The following PTPRA variants were observed in gnomAD, a reference collection of about 807,000 sequenced individuals.
PTPRA encodes the protein receptor-type tyrosine-protein phosphatase alpha.
PTPRA carries 25 observed loss-of-function variants against 104.8 expected under a neutral mutation model. That is an observed-to-expected ratio of 0.24 (90% confidence interval 0.17 to 0.33). The LOEUF (loss-of-function observed/expected upper bound fraction) is 0.33. Ranked by LOEUF, PTPRA falls within the 10% of genes least tolerant of loss-of-function variation. The probability of loss-of-function intolerance (pLI) is 1.00; values close to 1 mark genes in which losing one functional copy is unlikely to be tolerated. For missense variants in PTPRA, 765 were observed against 1,015.3 expected, an observed-to-expected ratio of 0.75 and a Z score of 3.35; for synonymous variants, 323 against 368.9, an observed-to-expected ratio of 0.88 and a Z score of 1.43.
intron 3 of PTPRA, among the ~76,000 whole-genome samples, chr20:2,954,019 C>A (rs2061445667): frequency 6.6e-6 from 1 of 151,640 alleles, no homozygotes; most frequent in African/African-American, 2.4e-5. Flanking sequence ...AAGCAATCCT[C>A]CTGCCTCAGC....
intron 3 of PTPRA, among the ~76,000 whole-genome samples, chr20:2,948,933 C>A (rs891079323): frequency 6.6e-6 from 1 of 151,896 alleles, no homozygotes; most frequent in East Asian, 1.9e-4. Context: ...GCCTGGGTGA[C>A]AGAGCGAGAC....
At chr20:2,904,887 G>GA (rs1429251837) in intron 1 of PTPRA, among the ~76,000 whole-genome samples, 3 of 152,014 alleles carry the variant, frequency 2.0e-5, no homozygotes. Flanking sequence ...GCTGTTTGGG[G>GA]AAAAATACGT....
intron 1 of PTPRA, among the ~76,000 whole-genome samples, chr20:2,920,218 G>A (rs572314383): frequency 1.3e-5 from 2 of 152,336 alleles, no homozygotes; most frequent in East Asian, 3.9e-4. Context: ...AGAGGTACTT[G>A]TGAATATGCA....
chr20:2,906,778 G>T (rs2059442536), intron 1 of PTPRA, among the ~76,000 whole-genome samples: 1 of 152,052 alleles, frequency 6.6e-6, no homozygotes, highest in African/African-American at 2.4e-5. Flanking sequence ...ATTGATACCA[G>T]CCCATAAACA....
chr20:2,961,768 C>A (rs1003866957), intron 3 of PTPRA, among the ~76,000 whole-genome samples: 1 of 152,102 alleles, frequency 6.6e-6, no homozygotes, highest in Non-Finnish European at 1.5e-5. Flanking sequence ...GTCTATGATT[C>A]ATTTTTAGTT....
chr20:2,998,699 G>C (rs1456355857), intron 9 of PTPRA, among the ~76,000 whole-genome samples: 1 of 152,098 alleles, frequency 6.6e-6, no homozygotes, highest in Non-Finnish European at 1.5e-5. Flanking sequence ...GGTGACTATT[G>C]GGTGAGAGTA....
At position 2,909,963 on chromosome 20, in the gene PTPRA, GA is replaced by G. The variant is rs2147199430; in HGVS notation, c.-128-13243del. Among the ~76,000 whole-genome samples the G allele has an allele frequency of 1.8e-5, 2 of 113,452 alleles. 1 individual carries two copies. The highest frequency in any genetic ancestry group is 8.0e-5 in the African/African-American group (2 of 24,918). The allele number at this position is 113,452 out of a possible 152,430, so 74.4% of individuals were successfully genotyped here. ...TGTGTAATTATATATTATAATATATGATATATATATAATCTATCATATATCA... is the reference window on the plus strand; with the variant it reads ...TGTGTAATTATATATTATAATATATGTATATATATAATCTATCATATATCA... On this transcript the variant is annotated intron_variant, in intron 1 of 23. Transcript: ENST00000399903.
intron 2 of PTPRA, among the ~76,000 whole-genome samples, chr20:2,939,999 A>G (rs894686141): frequency 4.6e-5 from 7 of 152,220 alleles, no homozygotes; most frequent in African/African-American, 1.7e-4. Flanking sequence ...AATCCCAGCT[A>G]CTTGGGAGGC....
At chr20:2,949,349 G>A (rs1009724305) in intron 3 of PTPRA, among the ~76,000 whole-genome samples, 12 of 144,104 alleles carry the variant, frequency 8.3e-5, no homozygotes, top group East Asian at 2.0e-4. Flanking sequence ...ATGTTTTCTC[G>A]CTTTGTCACC....
chr20:2,865,010 A>C, the PTPRA span: 1 of 1,614,146 alleles, frequency 6.2e-7, no homozygotes, highest in South Asian at 1.1e-5. This position sits in a 1 kb window ranked among gnomAD's most constrained non-coding sequence, Gnocchi z 5.2. Context: ...CTCTGCAGAC[A>C]GCCGCCGATG....
At chr20:2,980,758 T>G (rs2062639450) in intron 6 of PTPRA, among the ~76,000 whole-genome samples, 1 of 152,162 alleles carries the variant, frequency 6.6e-6, no homozygotes, top group African/African-American at 2.4e-5. Context: ...TTGCAGTATA[T>G]TTTGAAAGAT....
intron 9 of PTPRA, among the ~76,000 whole-genome samples, chr20:2,994,759 C>A (rs2063332842): frequency 6.6e-6 from 1 of 152,190 alleles, no homozygotes; most frequent in African/African-American, 2.4e-5. Flanking sequence ...CCTAGCTCAA[C>A]ATTAAAACCA....
chr20:2,879,686 T>G (rs1402906747), intron 1 of PTPRA, among the ~76,000 whole-genome samples: 1 of 152,204 alleles, frequency 6.6e-6, no homozygotes, highest in Non-Finnish European at 1.5e-5. Flanking sequence ...AGTGGTCCCA[T>G]AAGATTATAA....
chr20:2,940,821 AGACTTAATT>A (rs2060885456), intron 2 of PTPRA, among the ~76,000 whole-genome samples: 1 of 152,230 alleles, frequency 6.6e-6, no homozygotes, highest in African/African-American at 2.4e-5. Context: ...GTTGAAGCAG[AGACTTAATT>A]GCCAGCCCTT....
chr20:2,877,848 G>A (rs2089821158), intron 1 of PTPRA, among the ~76,000 whole-genome samples: 1 of 152,106 alleles, frequency 6.6e-6, no homozygotes, highest in Non-Finnish European at 1.5e-5. Flanking sequence ...ACTCATTTAA[G>A]TATTTGTTCA....
chr20:2,999,682 C>T (rs1019273867), intron 9 of PTPRA, among the ~76,000 whole-genome samples: 14 of 152,146 alleles, frequency 9.2e-5, no homozygotes, highest in African/African-American at 2.7e-4. Flanking sequence ...GAATGCTTGT[C>T]ACATATCAAA....
chr20:2,966,885 A>G (rs1012982519), intron 5 of PTPRA, among the ~76,000 whole-genome samples: 2 of 152,194 alleles, frequency 1.3e-5, no homozygotes, highest in Admixed American at 1.3e-4. Flanking sequence ...AAATTTTAGT[A>G]ACAACATAAA....
At chr20:2,963,358 T>TC (rs1406130970) in intron 3 of PTPRA, among the ~76,000 whole-genome samples, 1 of 152,098 alleles carries the variant, frequency 6.6e-6, no homozygotes, top group African/African-American at 2.4e-5. Flanking sequence ...TCCCAGCACT[T>TC]CGGGAGGCTG....
chr20:2,895,749 C>T (rs1198132543), intron 1 of PTPRA, among the ~76,000 whole-genome samples: 1 of 151,900 alleles, frequency 6.6e-6, no homozygotes, highest in Non-Finnish European at 1.5e-5. Context: ...AGGCTGTTCT[C>T]GAACTCCTGC....
Sources: allele counts gnomAD v4.1 joint callset (sites outside exome capture counted in the v4.1 genomes callset), GRCh38; gene constraint gnomAD v4.1.1; non-coding constraint Gnocchi (gnomAD v3.1); transcripts MANE v1.5; gene names NCBI Gene and HGNC (gene_info 2026-07-23, HGNC 2026-07-21).